The following SURF6 variants were observed in gnomAD, a reference collection of about 807,000 sequenced individuals.
SURF6 encodes surfeit locus protein 6.
SURF6 carries 28 observed loss-of-function variants against 37.5 expected under a neutral mutation model. That is an observed-to-expected ratio of 0.75 (90% CI 0.55 to 1.02). The LOEUF (loss-of-function observed/expected upper bound fraction) is 1.02. Among genes scored for constraint, SURF6 ranks in the 50% least tolerant of loss-of-function variants. SURF6 has a pLI of 0.00. For synonymous variants in SURF6, 248 were observed against 210.9 expected, an observed-to-expected ratio of 1.18 and a Z score of -1.52; for missense variants, 560 against 490.5, an observed-to-expected ratio of 1.14 and a Z score of -1.34.
rs2129934615 is a variant in SURF6, at chr9:133,336,144, G to A, written c.-12C>T. 4 of 1,608,570 alleles carry A rather than the reference G, an allele frequency of 2.5e-6. No individual in the cohort carries two copies. Among genetic ancestry groups the A allele is most frequent in the South Asian group, 1.1e-5 (1 of 90,878 alleles). On this transcript the variant is annotated 5_prime_UTR_variant, in exon 1 of 5. Coordinates refer to ENST00000372022, the MANE Select transcript of SURF6 (RefSeq NM_006753.6). Reference sequence around the variant, plus strand: ...AGTAGAGAGGCCATGGCGGAGACCCGGGCCGTTCACGACTCACACCTTCCC... The same window carrying A: ...AGTAGAGAGGCCATGGCGGAGACCCAGGCCGTTCACGACTCACACCTTCCC...
In SURF6 at chr9:133,329,925, T is replaced by C. The variant is rs1588668140; in HGVS notation, c.*1944A>G. The C allele has an allele frequency of 6.6e-6, 1 of 152,234 alleles. No individual in the cohort carries two copies. 9.4% of individuals were successfully genotyped at this position (152,234 alleles called of 1,614,324 possible). A position where few individuals can be genotyped will look rare whatever the true frequency, so the allele number is the denominator to read the frequency against. On this transcript the variant is annotated 3_prime_UTR_variant, in exon 5 of 5. Coordinates refer to ENST00000372022, the MANE Select transcript of SURF6 (RefSeq NM_006753.6). ...TCTCTCAATTGATTCTGTTAGAATT[T>C]GTCTACGTCTGGAATTACCTGTTCT...
rs1835740343 is a variant in SURF6 at position 133,331,937 on chromosome 9, G to C, written c.1018C>G (p.Arg340Gly). ...CCCTTCTTGCGGGCTCTGAGCAGGCGGCGCTCGGCGCGGGCCGCCTTCTTC... is the reference window on the plus strand; with the variant it reads ...CCCTTCTTGCGGGCTCTGAGCAGGCCGCGCTCGGCGCGGGCCGCCTTCTTC... ...RRKKAARAER[R>G]LLRARKKGRI... Residue 340 changes from arginine (R) to glycine (G), a missense_variant, in exon 5 of 5, where the codon CGC becomes GGC. Physicochemically the swap from Arg to Gly is moderately radical, Grantham distance 125 (BLOSUM62 -2). Transcript: ENST00000372022. The C allele has an allele frequency of 6.3e-7, 1 of 1,584,358 alleles. No individual in the cohort carries two copies. The highest frequency in any genetic ancestry group is 8.5e-7 in the Non-Finnish European group (1 of 1,173,388).
rs2129919701 is a variant in SURF6 at position 133,332,586 on chromosome 9, T to C, written c.568A>G (p.Thr190Ala). The C allele has an allele frequency of 6.2e-7, 1 of 1,609,836 alleles. No homozygotes were observed. Among genetic ancestry groups the C allele is most frequent in the Non-Finnish European group, 8.5e-7 (1 of 1,179,988 alleles). ...AGCCCGGGCGGCTCCCGCGGCTCCGTGCAGGCCCCCTCTGGGGTTGCCTCC... is the reference window on the plus strand; with the variant it reads ...AGCCCGGGCGGCTCCCGCGGCTCCGCGCAGGCCCCCTCTGGGGTTGCCTCC... The part of the protein sequence containing the change: ...VVEATPEGAC[T>A]EPREPPGLIF... Residue 190 changes from threonine to alanine, a missense_variant, in exon 4 of 5, where the codon ACG (threonine) becomes GCG (alanine). By Grantham distance (58) the Thr-to-Ala change is moderately conservative. Coordinates refer to ENST00000372022, the MANE Select transcript of SURF6 (RefSeq NM_006753.6).
At position 133,332,074 on chromosome 9, in the gene SURF6, T is replaced by G; in HGVS notation, c.881A>C (p.Lys294Thr). The change falls in exon 5 of 5, where the codon AAG becomes ACG. Residue 294 changes from lysine to threonine, a missense_variant. By Grantham distance (78) the Lys-to-Thr change is moderately conservative (BLOSUM62 -1). Transcript: ENST00000372022. ...DDERLLQEAL[K>T]RKEKRRAQRQ... is the part of the protein sequence containing the mutation. ...CTGCGCCCTGCGCTTCTCCTTGCGC[T>G]TCAGGGCCTCCTGCAGCAGGCGTTC... 1 of 1,607,500 alleles carries G rather than the reference T, an allele frequency of 6.2e-7. No individual in the cohort carries two copies. The highest frequency in any genetic ancestry group is 1.3e-5 in the African/African-American group (1 of 75,058).
chr9:133,333,047 A>G, intron 3 of SURF6: 1 of 471,864 alleles, frequency 2.1e-6, no homozygotes, highest in Non-Finnish European at 3.8e-6. Flanking sequence ...CGTTTTATAG[A>G]TGAGGAGGGT....
intron 3 of SURF6, among the ~76,000 whole-genome samples, chr9:133,333,169 C>T (rs2129922777): frequency 1.3e-5 from 2 of 152,142 alleles, no homozygotes; most frequent in African/African-American, 4.8e-5. Context: ...TTCCCATCCC[C>T]GGGCCAACAA....
Position 133,335,334 on chromosome 9 carries a change from A to AATT in SURF6, c.94+704_94+705insAAT, listed in dbSNP as rs1554766134. Among the ~76,000 whole-genome samples the AATT allele has an allele frequency of 7.2e-4, 109 of 151,370 alleles. 1 individual carries two copies. Among genetic ancestry groups the AATT allele is most frequent in the South Asian group, 1.9e-3 (9 of 4,800 alleles). The stretch of plus-strand genomic sequence containing the variant: ...ATCGTTTTAATGAAAAAAAAAAAAA[A>AATT]TTTCAAAAAGGATGAGAAAGACAGA... On this transcript the variant is annotated intron_variant, in intron 1 of 4. Transcript: ENST00000372022.
rs2129922678 is a variant in SURF6, at chr9:133,333,152, A to G, written c.394-392T>C. 1.6e-4 allele frequency among the ~76,000 whole-genome samples: 25 copies of G among 152,162 alleles called. No individual in the cohort carries two copies. In the South Asian group the frequency reaches 4.4e-3, roughly 27 times the overall value. On this transcript the variant is annotated intron_variant, in intron 3 of 4. Transcript: ENST00000372022. The stretch of plus-strand genomic sequence containing the variant: ...GAGGTACCCAACGAAGCCCTCCCCA[A>G]TGGCCTTTCCCATCCCCGGGCCAAC...
rs2129915286 is a variant in SURF6, at chr9:133,332,118, G to A, written c.837C>T (p.Gly279=). The part of the protein sequence containing the change: ...KWTNLLYKAE[G]VKIRDDERLL... Reference sequence around the variant, plus strand: ...GGCGTTCGTCGTCACGGATCTTCACGCCCTCCGCCTTGTAGAGGAGGTTGG... The same window carrying A: ...GGCGTTCGTCGTCACGGATCTTCACACCCTCCGCCTTGTAGAGGAGGTTGG... Residue 279 remains glycine (G), a synonymous_variant, in exon 5 of 5, where the codon GGC becomes GGT. Transcript: ENST00000372022. 6.2e-7 allele frequency: 1 copy of A among 1,610,244 alleles called. No homozygotes were observed. Among genetic ancestry groups the A allele is most frequent in the Non-Finnish European group, 8.5e-7 (1 of 1,179,928 alleles).
At position 133,331,735 on chromosome 9, in the gene SURF6, A is replaced by T; in HGVS notation, c.*134T>A. ...GTGATCTGGGCCCTCACAACTCAGC[A>T]GAGCACCACTGTGTCCCCCTCACAT... On this transcript the variant is annotated 3_prime_UTR_variant, in exon 5 of 5. Transcript: ENST00000372022. 1 of 1,195,716 alleles carries T rather than the reference A, an allele frequency of 8.4e-7. No individual in the cohort carries two copies. The highest frequency in any genetic ancestry group is 1.1e-6 in the Non-Finnish European group (1 of 914,010). The allele number at this position is 1,195,716 out of a possible 1,614,324, so 74.1% of individuals were successfully genotyped here.
At position 133,333,817 on chromosome 9, in the gene SURF6, G is replaced by A. The variant is rs1282227376; in HGVS notation, c.305-11C>T. 2 of 1,611,728 alleles carry A rather than the reference G, an allele frequency of 1.2e-6. No individual in the cohort carries two copies. The highest frequency in any genetic ancestry group is 1.3e-5 in the African/African-American group (1 of 74,874). On this transcript the variant is annotated splice_polypyrimidine_tract_variant and intron_variant, in intron 2 of 4. Transcript: ENST00000372022. ...CAGTGGCCAGGCCATCTGCAGGGAA[G>A]GAGACAGGACTGCAGGGGGCCCTCT... is the stretch of plus-strand genomic sequence containing the variant.
At chr9:133,333,436 A>G (rs1315388573) in intron 3 of SURF6, among the ~76,000 whole-genome samples, 1 of 152,102 alleles carries the variant, frequency 6.6e-6, no homozygotes, top group Non-Finnish European at 1.5e-5. Flanking sequence ...TCAAGTCCCT[A>G]CTCAACTCAC....
intron 1 of SURF6, 24 bp downstream of exon 1, chr9:133,336,013 AGT>A: frequency 6.2e-7 from 1 of 1,600,998 alleles, no homozygotes; most frequent in Non-Finnish European, 8.5e-7. Context: ...CAGGCCCCTT[AGT>A]CCCGGCCCGG....
chr9:133,332,595 C>A lies in SURF6; in HGVS notation c.559G>T (p.Gly187Trp). 1 of 1,610,258 alleles carries A rather than the reference C, an allele frequency of 6.2e-7. No homozygotes were observed. Among genetic ancestry groups the A allele is most frequent in the Non-Finnish European group, 8.5e-7 (1 of 1,180,004 alleles). The change falls in exon 4 of 5, where the codon GGG (glycine) becomes TGG (tryptophan). Residue 187 changes from glycine (G) to tryptophan (W), a missense_variant. By Grantham distance (184) the Gly-to-Trp change is radical (BLOSUM62 -2). Coordinates refer to ENST00000372022, the MANE Select transcript of SURF6 (RefSeq NM_006753.6). Reference protein sequence around the residue: ...AQEVVEATPEGACTEPREPPG... With the variant: ...AQEVVEATPEWACTEPREPPG... Reference sequence around the variant, plus strand: ...GGCTCCCGCGGCTCCGTGCAGGCCCCCTCTGGGGTTGCCTCCACCACCTCC... The same window carrying A: ...GGCTCCCGCGGCTCCGTGCAGGCCCACTCTGGGGTTGCCTCCACCACCTCC...
At chr9:133,335,254 G>A (rs1023011077) in intron 1 of SURF6, among the ~76,000 whole-genome samples, 9 of 151,744 alleles carry the variant, frequency 5.9e-5, no homozygotes, top group Admixed American at 1.3e-4. Context: ...CCGCACGGCC[G>A]GACAATGTTT....
At position 133,332,540 on chromosome 9, in the gene SURF6, CCGCTCACCTTATTGAAGATCAGCCCGGG is replaced by C. The variant is rs2129918898; in HGVS notation, c.586_606+7del. ...CCCAGCCCGCCCAAGGACCCAGCTCCCGCTCACCTTATTGAAGATCAGCCCGGGCGGCTCCCGCGGCTCCGTGCAGGCC... is the reference window on the plus strand; with the variant it reads ...CCCAGCCCGCCCAAGGACCCAGCTCCCGGCTCCCGCGGCTCCGTGCAGGCC... On this transcript the variant is annotated splice_donor_variant and splice_donor_5th_base_variant and coding_sequence_variant and intron_variant, in exon 4 of 5. Coordinates refer to ENST00000372022, the MANE Select transcript of SURF6 (RefSeq NM_006753.6). LOFTEE classifies it high-confidence loss of function. 1 of 1,606,208 alleles carries C rather than the reference CCGCTCACCTTATTGAAGATCAGCCCGGG, an allele frequency of 6.2e-7. No homozygotes were observed. The highest frequency in any genetic ancestry group is 1.7e-5 in the Admixed American group (1 of 59,866).
chr9:133,334,655 G>A (rs2129928805), intron 1 of SURF6, 54 bp from the exon 2 acceptor site: 2 of 1,580,408 alleles, frequency 1.3e-6, no homozygotes, highest in East Asian at 2.2e-5. Flanking sequence ...CCATTCAATA[G>A]GCAGGAAAGG....
At chr9:133,334,980 G>A (rs2129929668) in intron 1 of SURF6, among the ~76,000 whole-genome samples, 22 of 152,190 alleles carry the variant, frequency 1.4e-4, no homozygotes, top group African/African-American at 4.6e-4. Flanking sequence ...TCTTTTTTGA[G>A]ATGGAGTCTC....
chr9:133,335,842 C>T (rs2129932775), intron 1 of SURF6, among the ~76,000 whole-genome samples, 197 bp downstream of exon 1: 259 of 152,096 alleles, frequency 1.7e-3, no homozygotes, highest in African/African-American at 6.0e-3. Flanking sequence ...CGTCGCTGCA[C>T]GCCAGCCTGG....
Sources: allele counts gnomAD v4.1 joint callset (sites outside exome capture counted in the v4.1 genomes callset), GRCh38; gene constraint gnomAD v4.1.1; transcripts MANE v1.5; gene names NCBI Gene and HGNC (gene_info 2026-07-23, HGNC 2026-07-21).